Variants in UCHL3 observed in about 807,000 individuals in gnomAD.
UCHL3 encodes ubiquitin carboxyl-terminal hydrolase isozyme L3.
Under a neutral mutation model 35.8 loss-of-function variants are expected in UCHL3, and 22 were observed. The observed-to-expected ratio is 0.61, with a 90% CI of 0.44 to 0.88. The LOEUF (loss-of-function observed/expected upper bound fraction) is 0.88, where lower values mean the gene tolerates loss of function less well. UCHL3 is among the 40% of genes least tolerant of loss of function. The probability of loss-of-function intolerance (pLI) is 0.00; values close to 1 mark genes in which losing one functional copy is unlikely to be tolerated. For missense variants in UCHL3, 229 were observed against 276.9 expected, an observed-to-expected ratio of 0.83 and a Z score of 1.23; for synonymous variants, 90 against 92.8, an observed-to-expected ratio of 0.97 and a Z score of 0.17.
intron 6 of UCHL3, among the ~76,000 whole-genome samples, chr13:75,574,560 C>G (rs1165055608): frequency 6.6e-6 from 1 of 152,136 alleles, no homozygotes; most frequent in Non-Finnish European, 1.5e-5. Context: ...ATACTTTCTT[C>G]AGCACAAAAT....
At chr13:75,582,878 T>C (rs753133025) in intron 6 of UCHL3, among the ~76,000 whole-genome samples, 9 of 152,234 alleles carry the variant, frequency 5.9e-5, no homozygotes, top group Non-Finnish European at 1.0e-4. Flanking sequence ...AATAGCACAC[T>C]TTATTTCAAA....
At chr13:75,554,749 C>CT (rs143550807) in intron 2 of UCHL3, among the ~76,000 whole-genome samples, 22,417 of 152,128 alleles carry the variant, frequency 0.15, 1,946 homozygotes, top group Middle Eastern at 0.32. Flanking sequence ...ATACTTGAAA[C>CT]TTTTTTGTTT....
rs1178252492 is a variant in UCHL3 at position 75,561,864 on chromosome 13, T to C, written c.183+983T>C. Among the ~76,000 whole-genome samples, 4 of 94,296 alleles carry C rather than the reference T, an allele frequency of 4.2e-5. No homozygotes were observed. The Admixed American group carries it at 4.3e-4, about 10-fold the overall frequency. 61.9% of individuals were successfully genotyped at this position (94,296 alleles called of 152,430 possible). A position where few individuals can be genotyped will look rare whatever the true frequency, so the allele number is the denominator to read the frequency against. On this transcript the variant is annotated intron_variant, in intron 3 of 8. Coordinates refer to ENST00000377595, the MANE Select transcript of UCHL3 (RefSeq NM_006002.5). ...GTATACGTATACATACGTATACATA[T>C]ATACATACGTATATACGTATACATA...
At chr13:75,576,195 C>CGA (rs2032017096) in intron 6 of UCHL3, among the ~76,000 whole-genome samples, 1 of 152,050 alleles carries the variant, frequency 6.6e-6, no homozygotes, top group Non-Finnish European at 1.5e-5. Context: ...GATAGCTTTT[C>CGA]AGTTACTCCT....
intron 3 of UCHL3, among the ~76,000 whole-genome samples, chr13:75,566,476 A>G (rs2031685855): frequency 6.6e-6 from 1 of 152,232 alleles, no homozygotes; most frequent in South Asian, 2.1e-4. Context: ...TAATAACAGC[A>G]TAGGAGAATG....
chr13:75,592,451 T>TACATATATAC (rs1566228164), intron 6 of UCHL3, among the ~76,000 whole-genome samples: 26 of 81,558 alleles, frequency 3.2e-4, no homozygotes, highest in Non-Finnish European at 5.5e-4. Context: ...TATATATATA[T>TACATATATAC]ATATATATAT....
At chr13:75,589,921 C>T in intron 6 of UCHL3, 1 of 1,291,232 alleles carries the variant, frequency 7.7e-7, no homozygotes, top group East Asian at 5.6e-5. Context: ...AAAATATTCT[C>T]TTTTTTAATT....
At position 75,569,537 on chromosome 13, in the gene UCHL3, G is replaced by A. The variant is rs371706010; in HGVS notation, c.474+30G>A. The A allele has an allele frequency of 6.3e-6, 10 of 1,586,218 alleles. No homozygotes were observed. In the African/African-American group the frequency reaches 1.4e-4, roughly 21 times the overall value. ...TTCACATTTTTTCTAAATTTTTCTT[G>A]CTATAAATTTAACCATATAAATTTC... On this transcript the variant is annotated intron_variant, in intron 6 of 8. Transcript: ENST00000377595.
At chr13:75,594,348 C>T (rs1268953508) in intron 6 of UCHL3, among the ~76,000 whole-genome samples, 1 of 152,058 alleles carries the variant, frequency 6.6e-6, no homozygotes, top group Non-Finnish European at 1.5e-5. Flanking sequence ...CTGCATTATT[C>T]ATTTTTAAAC....
rs749816740 is a variant in UCHL3 at position 75,567,265 on chromosome 13, G to A, written c.379G>A (p.Val127Met). ...CTTGAAAAAATTCCTGGAGGAATCTGTGTCAATGAGCCCTGAAGAACGAGC... is the reference window on the plus strand; with the variant it reads ...CTTGAAAAAATTCCTGGAGGAATCTATGTCAATGAGCCCTGAAGAACGAGC... Reference protein sequence around the residue: ...STLKKFLEESVSMSPEERARY... With the variant: ...STLKKFLEESMSMSPEERARY... Residue 127 changes from valine to methionine, a missense_variant, in exon 5 of 9, where the codon GTG (valine) becomes ATG (methionine). Coordinates refer to ENST00000377595, the MANE Select transcript of UCHL3 (RefSeq NM_006002.5). 3 of 1,614,130 alleles carry A rather than the reference G, an allele frequency of 1.9e-6. No homozygotes were observed. The South Asian group carries it at 3.3e-5, about 18-fold the overall frequency.
intron 3 of UCHL3, among the ~76,000 whole-genome samples, chr13:75,561,554 AT>A (rs2031495508): frequency 2.0e-5 from 3 of 151,810 alleles, no homozygotes; most frequent in South Asian, 2.1e-4. Context: ...ATATATATAT[AT>A]AAGGAATCTT....
intron 2 of UCHL3, among the ~76,000 whole-genome samples, chr13:75,556,897 C>T (rs1164414730): frequency 2.6e-5 from 4 of 152,184 alleles, no homozygotes; most frequent in African/African-American, 9.7e-5. Context: ...CACTTAACCT[C>T]CCAGACGTAG....
intron 3 of UCHL3, among the ~76,000 whole-genome samples, chr13:75,564,155 CTT>C (rs35022480): frequency 4.1e-5 from 6 of 146,416 alleles, no homozygotes; most frequent in Admixed American, 6.8e-5. Context: ...GTGCAGATAT[CTT>C]TTTTTTTTTT....
intron 2 of UCHL3, among the ~76,000 whole-genome samples, chr13:75,560,180 A>G (rs2138468706): frequency 6.6e-6 from 1 of 151,884 alleles, no homozygotes; most frequent in East Asian, 1.9e-4. Context: ...ATGGCTATCA[A>G]TCTATCTTTA....
At chr13:75,582,470 T>C (rs2032213952) in intron 6 of UCHL3, among the ~76,000 whole-genome samples, 1 of 152,222 alleles carries the variant, frequency 6.6e-6, no homozygotes, top group Admixed American at 6.5e-5. Context: ...GGTTCACTGT[T>C]AATGTCCTGG....
chr13:75,571,027 T>A (rs1004589657), intron 6 of UCHL3, among the ~76,000 whole-genome samples: 4 of 152,218 alleles, frequency 2.6e-5, no homozygotes, highest in Non-Finnish European at 4.4e-5. Flanking sequence ...TAAAAGTTTT[T>A]AACACCAGAT....
chr13:75,571,397 A>G lies in UCHL3; in HGVS notation c.474+1890A>G, dbSNP rs139817216. On this transcript the variant is annotated intron_variant, in intron 6 of 8. Transcript: ENST00000377595. ...CAGTCTTGGATGCCTGTTAGACATC[A>G]TCTGAATGACCTCACTGTATTTTAG... 9.1e-4 allele frequency among the ~76,000 whole-genome samples: 138 copies of G among 152,296 alleles called. 1 individual carries two copies. The highest frequency in any genetic ancestry group is 8.5e-4 in the Non-Finnish European group (58 of 68,024).
At chr13:75,566,109 A>G (rs1214635168) in intron 3 of UCHL3, among the ~76,000 whole-genome samples, 1 of 152,240 alleles carries the variant, frequency 6.6e-6, no homozygotes, top group East Asian at 1.9e-4. Context: ...ATTAGCAAGT[A>G]AAAGTTCTCC....
At chr13:75,588,981 C>T (rs1386081773) in intron 6 of UCHL3, among the ~76,000 whole-genome samples, 2 of 152,092 alleles carry the variant, frequency 1.3e-5, no homozygotes, top group East Asian at 3.9e-4. Context: ...GCTAGATTTT[C>T]CTTTTGTGGT....
Sources: gnomAD v4.1 joint callset for allele counts (sites outside exome capture counted in the v4.1 genomes callset) on GRCh38, gnomAD v4.1.1 for gene constraint, MANE v1.5 for transcripts, NCBI Gene and HGNC (gene_info 2026-07-23, HGNC 2026-07-21) for gene names.